The following CPEB3 variants were observed in gnomAD, a reference collection of about 807,000 sequenced individuals.
CPEB3 encodes cytoplasmic polyadenylation element-binding protein 3.
A neutral mutation model predicts 67.2 loss-of-function variants in CPEB3; 20 were observed. That is an observed-to-expected ratio of 0.30 (90% CI 0.21 to 0.43). The LOEUF is 0.43. Ranked by LOEUF, CPEB3 falls within the 20% of genes least tolerant of loss-of-function variation. The probability of loss-of-function intolerance (pLI) is 1.00; values close to 1 mark genes in which losing one functional copy is unlikely to be tolerated. For synonymous variants in CPEB3, 376 were observed against 393.1 expected (o/e 0.96, Z 0.51); for missense variants, 746 against 968.6 (o/e 0.77, Z 3.05).
At chr10:92,290,760 G>A (rs7907392) in intron 1 of CPEB3, among the ~76,000 whole-genome samples, 166 bp downstream of exon 1, 13,716 of 152,110 alleles carry the variant, frequency 0.09, 2,039 homozygotes, top group African/African-American at 0.31. Flanking sequence ...CGGGGGCTTC[G>A]GAAGGAGTTT....
At chr10:92,152,897 G>A (rs1847028910) in intron 4 of CPEB3, among the ~76,000 whole-genome samples, 1 of 152,152 alleles carries the variant, frequency 6.6e-6, no homozygotes, top group Admixed American at 6.5e-5. Flanking sequence ...GTCTAGTACA[G>A]TATAGGTATG....
intron 1 of CPEB3, among the ~76,000 whole-genome samples, chr10:92,266,771 C>G (rs540787342): frequency 6.6e-6 from 1 of 152,044 alleles, no homozygotes; most frequent in Admixed American, 6.6e-5. Flanking sequence ...CGGTGGCTCA[C>G]GCCTGTAATC....
chr10:92,288,090 T>C (rs1373530485), intron 1 of CPEB3, among the ~76,000 whole-genome samples: 1 of 152,194 alleles, frequency 6.6e-6, no homozygotes, highest in African/African-American at 2.4e-5. Flanking sequence ...TAATATTCTA[T>C]TGTATGATAC....
At chr10:92,126,704 ACAGAGGAG>A (rs1845622182) in intron 6 of CPEB3, among the ~76,000 whole-genome samples, 1 of 152,250 alleles carries the variant, frequency 6.6e-6, no homozygotes, top group Admixed American at 6.5e-5. Flanking sequence ...CACCAATCAT[ACAGAGGAG>A]CAAAACAAAT....
At chr10:92,062,018 G>C (rs1842374510) in intron 9 of CPEB3, among the ~76,000 whole-genome samples, 2 of 152,142 alleles carry the variant, frequency 1.3e-5, no homozygotes, top group South Asian at 4.1e-4. Context: ...GAAGCAGGTG[G>C]ATCACTTGAG....
chr10:92,196,805 G>A (rs537327525), intron 2 of CPEB3, among the ~76,000 whole-genome samples: 3 of 151,644 alleles, frequency 2.0e-5, no homozygotes, highest in Admixed American at 6.6e-5. Flanking sequence ...TGTGGCAGGT[G>A]CCTGTAATCC....
intron 9 of CPEB3, among the ~76,000 whole-genome samples, chr10:92,057,700 G>C (rs1241972461): frequency 2.6e-5 from 4 of 152,232 alleles, no homozygotes; most frequent in African/African-American, 9.6e-5. Flanking sequence ...AGTGGTGGTG[G>C]CCACAGGGGT....
chr10:92,114,692 GAGTGATTA>G (rs1844916754), intron 6 of CPEB3, among the ~76,000 whole-genome samples: 2 of 152,218 alleles, frequency 1.3e-5, no homozygotes, highest in Admixed American at 6.5e-5. Context: ...AAATTACACA[GAGTGATTA>G]AGCGACTTGT....
At chr10:92,279,879 G>T (rs548386108) in intron 1 of CPEB3, among the ~76,000 whole-genome samples, 1 of 152,016 alleles carries the variant, frequency 6.6e-6, no homozygotes, top group Non-Finnish European at 1.5e-5. Context: ...GCATGGTGGC[G>T]CGTGCCTGTA....
chr10:92,059,439 G>A (rs575200116), intron 9 of CPEB3, among the ~76,000 whole-genome samples: 1 of 151,614 alleles, frequency 6.6e-6, no homozygotes, highest in African/African-American at 2.4e-5. Context: ...TGAAACAAAT[G>A]ATAATGAAAA....
At chr10:92,106,404 T>C (rs952539952) in intron 7 of CPEB3, among the ~76,000 whole-genome samples, 5 of 151,906 alleles carry the variant, frequency 3.3e-5, no homozygotes, top group Admixed American at 3.3e-4. Context: ...TGGCTCTAGA[T>C]AGGGATGGAG....
chr10:92,171,537 A>G (rs1277840727), intron 4 of CPEB3, among the ~76,000 whole-genome samples: 1 of 152,156 alleles, frequency 6.6e-6, no homozygotes, highest in Non-Finnish European at 1.5e-5. Flanking sequence ...TAGAGTTGAG[A>G]ATTAGTGTGA....
At chr10:92,189,053 T>C (rs924018055) in intron 3 of CPEB3, among the ~76,000 whole-genome samples, 36 of 152,162 alleles carry the variant, frequency 2.4e-4, no homozygotes, top group Admixed American at 2.0e-3. Context: ...AAGAGGATAG[T>C]TGAATAAAGA....
chr10:92,222,363 T>C (rs1480331781), intron 2 of CPEB3, among the ~76,000 whole-genome samples: 1 of 152,102 alleles, frequency 6.6e-6, no homozygotes, highest in Non-Finnish European at 1.5e-5. Flanking sequence ...TCAGTATTAT[T>C]GTAATTATGT....
At chr10:92,136,617 G>A (rs981537575) in intron 6 of CPEB3, among the ~76,000 whole-genome samples, 13 of 152,130 alleles carry the variant, frequency 8.5e-5, no homozygotes, top group Non-Finnish European at 1.3e-4. Context: ...CTGGAGTGCA[G>A]TGGCATGATC....
chr10:92,228,473 A>C (rs1448647555), intron 2 of CPEB3, among the ~76,000 whole-genome samples: 4 of 152,140 alleles, frequency 2.6e-5, no homozygotes, highest in Non-Finnish European at 5.9e-5. Flanking sequence ...TGCTTATCTG[A>C]AACCTAAGAA....
intron 9 of CPEB3, among the ~76,000 whole-genome samples, chr10:92,064,814 G>A (rs1394565485): frequency 2.6e-5 from 4 of 152,178 alleles, no homozygotes. Context: ...AGGCTGTCCC[G>A]TGGTCACTGT....
chr10:92,178,865 T>C (rs987766246), intron 4 of CPEB3, among the ~76,000 whole-genome samples: 1 of 152,180 alleles, frequency 6.6e-6, no homozygotes, highest in African/African-American at 2.4e-5. Flanking sequence ...CTATGGAGGA[T>C]ATTTTTGTTC....
At chr10:92,127,338 T>C (rs1407581637) in intron 6 of CPEB3, among the ~76,000 whole-genome samples, 1 of 152,052 alleles carries the variant, frequency 6.6e-6, no homozygotes, top group East Asian at 1.9e-4. Context: ...ATACAGGGGC[T>C]AGACATTTGA....
Sources: gnomAD v4.1 joint callset for allele counts (sites outside exome capture counted in the v4.1 genomes callset) on GRCh38, gnomAD v4.1.1 for gene constraint, MANE v1.5 for transcripts, NCBI Gene and HGNC (gene_info 2026-07-23, HGNC 2026-07-21) for gene names.